The following NRG3 variants were observed in gnomAD, a reference collection of about 807,000 sequenced individuals.
NRG3 encodes the protein pro-neuregulin-3, membrane-bound isoform.
Under a neutral mutation model 66.9 loss-of-function variants are expected in NRG3, and 31 were observed. The observed-to-expected ratio is 0.46, with a 90% CI of 0.35 to 0.63. The LOEUF (loss-of-function observed/expected upper bound fraction) is 0.63. NRG3 is among the 20% of genes least tolerant of loss of function. The pLI, the probability that NRG3 is intolerant of heterozygous loss-of-function variation, is 0.00. For synonymous variants in NRG3, 393 were observed against 359.4 expected, an observed-to-expected ratio of 1.09 and a Z score of -1.06; for missense variants, 910 against 878.9, an observed-to-expected ratio of 1.04 and a Z score of -0.45.
intron 3 of NRG3, among the ~76,000 whole-genome samples, chr10:82,789,759 C>A (rs1050490774): frequency 6.6e-6 from 1 of 151,904 alleles, no homozygotes; most frequent in Non-Finnish European, 1.5e-5. Flanking sequence ...TCTTTACTCC[C>A]TATTCTTCTA....
Position 82,970,688 on chromosome 10 carries a change from A to AT in NRG3, c.1285-3095dup, listed in dbSNP as rs1275933620. On this transcript the variant is annotated intron_variant, in intron 6 of 8. Transcript: ENST00000372141. ...CTTATATTTTGATTTACTAATAATC[A>AT]TTTTTGTTACTTAAGACATTTAAAT... Among the ~76,000 whole-genome samples the AT allele has an allele frequency of 2.6e-5, 4 of 152,188 alleles. No homozygotes were observed. The East Asian group carries it at 7.7e-4, about 29-fold the overall frequency.
At chr10:82,498,210 ATTGT>A (rs975919812) in intron 2 of NRG3, among the ~76,000 whole-genome samples, 5 of 150,826 alleles carry the variant, frequency 3.3e-5, no homozygotes, top group South Asian at 4.2e-4. Context: ...CATTTCATTG[ATTGT>A]TTGCTGTGAA....
At chr10:82,716,050 A>G (rs1270051642) in intron 2 of NRG3, among the ~76,000 whole-genome samples, 1 of 152,224 alleles carries the variant, frequency 6.6e-6, no homozygotes, top group Non-Finnish European at 1.5e-5. Context: ...GTTTCAACAT[A>G]TAAACTTTGG....
At chr10:82,235,193 A>C (rs1334276260) in intron 1 of NRG3, among the ~76,000 whole-genome samples, 1 of 152,220 alleles carries the variant, frequency 6.6e-6, no homozygotes, top group Non-Finnish European at 1.5e-5. Flanking sequence ...TTTTTGGAAC[A>C]CAGCTGCACC....
At chr10:82,134,969 C>A (rs2069216438) in intron 1 of NRG3, among the ~76,000 whole-genome samples, 2 of 151,354 alleles carry the variant, frequency 1.3e-5, no homozygotes, top group Non-Finnish European at 2.9e-5. Flanking sequence ...CTAAAAAATA[C>A]CACAAAATTA....
At chr10:82,338,431 A>T (rs1304272022) in intron 1 of NRG3, among the ~76,000 whole-genome samples, 2 of 152,190 alleles carry the variant, frequency 1.3e-5, no homozygotes, top group Admixed American at 6.5e-5. Context: ...CCTGCCCAGC[A>T]CTTAGCAGAG....
intron 1 of NRG3, among the ~76,000 whole-genome samples, chr10:82,313,779 T>C (rs1157327069): frequency 6.6e-6 from 1 of 152,168 alleles, no homozygotes; most frequent in Non-Finnish European, 1.5e-5. Flanking sequence ...CCACATCCAT[T>C]TTATCCTCTC....
intron 1 of NRG3, among the ~76,000 whole-genome samples, chr10:81,948,041 A>G (rs1167177549): frequency 1.3e-5 from 2 of 152,162 alleles, no homozygotes; most frequent in African/African-American, 2.4e-5. Flanking sequence ...AAGGTTGCTT[A>G]TTCCACTCCC....
intron 3 of NRG3, among the ~76,000 whole-genome samples, chr10:82,777,703 T>A (rs1236235327): frequency 6.6e-6 from 1 of 152,128 alleles, no homozygotes; most frequent in East Asian, 1.9e-4. Context: ...ATTTAGATCC[T>A]GGAAGCAGTG....
chr10:81,918,818 C>CAAAAAATAAAAA (rs1554854963), intron 1 of NRG3, among the ~76,000 whole-genome samples: 1 of 145,780 alleles, frequency 6.9e-6, no homozygotes, highest in Admixed American at 6.8e-5. Context: ...AGGATTTTTG[C>CAAAAAATAAAAA]AAAAAACAAA....
At chr10:82,959,568 G>A (rs771742843) in intron 6 of NRG3, among the ~76,000 whole-genome samples, 2 of 152,082 alleles carry the variant, frequency 1.3e-5, no homozygotes, top group Non-Finnish European at 2.9e-5. Context: ...CAACAGAGTC[G>A]GACTCGGACT....
chr10:82,633,630 G>A (rs2049991924), intron 2 of NRG3, among the ~76,000 whole-genome samples: 1 of 152,166 alleles, frequency 6.6e-6, no homozygotes, highest in Non-Finnish European at 1.5e-5. Context: ...CAAGCATCAG[G>A]AGTGTGTCAG....
chr10:82,812,447 A>G (rs1254830843), intron 3 of NRG3, among the ~76,000 whole-genome samples: 1 of 152,266 alleles, frequency 6.6e-6, no homozygotes, highest in Non-Finnish European at 1.5e-5. Flanking sequence ...ACATGAAGCA[A>G]AATAAAATGT....
chr10:82,401,584 G>A (rs1411044930), intron 2 of NRG3, among the ~76,000 whole-genome samples: 1 of 152,046 alleles, frequency 6.6e-6, no homozygotes, highest in African/African-American at 2.4e-5. Context: ...GGGGCACCCG[G>A]ATATAGGACA....
chr10:82,249,328 A>G (rs1043722152), intron 1 of NRG3, among the ~76,000 whole-genome samples: 18 of 152,040 alleles, frequency 1.2e-4, no homozygotes, highest in African/African-American at 4.3e-4. Flanking sequence ...AGAGCTGGAT[A>G]TTCACTTCCC....
At chr10:82,097,409 T>C (rs1274215919) in intron 1 of NRG3, among the ~76,000 whole-genome samples, 1 of 94,750 alleles carries the variant, frequency 1.1e-5, no homozygotes, top group Non-Finnish European at 2.0e-5. Context: ...CCCAGATACA[T>C]ATATATATAT....
intron 1 of NRG3, among the ~76,000 whole-genome samples, chr10:81,974,510 C>G (rs2060045685): frequency 6.6e-6 from 1 of 152,018 alleles, no homozygotes; most frequent in Admixed American, 6.6e-5. Flanking sequence ...AAATCCCCCT[C>G]CCCGATAATG....
At chr10:81,948,716 AG>A (rs889270844) in intron 1 of NRG3, among the ~76,000 whole-genome samples, 9 of 152,172 alleles carry the variant, frequency 5.9e-5, no homozygotes, top group African/African-American at 1.9e-4. Context: ...GTTTTCTCAA[AG>A]TGTGAAGTTA....
chr10:82,130,329 T>A (rs1174798244), intron 1 of NRG3, among the ~76,000 whole-genome samples: 1 of 152,142 alleles, frequency 6.6e-6, no homozygotes, highest in East Asian at 1.9e-4. Flanking sequence ...CTGCACCCAT[T>A]AACTCGTCAT....
Sources: allele counts gnomAD v4.1 joint callset (sites outside exome capture counted in the v4.1 genomes callset), GRCh38; gene constraint gnomAD v4.1.1; transcripts MANE v1.5; gene names NCBI Gene and HGNC (gene_info 2026-07-23, HGNC 2026-07-21).